TNPO1: variants seen among roughly 807,000 people sequenced by gnomAD.
TNPO1 encodes the protein transportin 1, also known as transportin-1.
A neutral mutation model predicts 119.5 loss-of-function variants in TNPO1; 8 were observed. That is an observed-to-expected ratio of 0.07 (90% CI 0.04 to 0.12). The LOEUF is 0.12. Among genes scored for constraint, TNPO1 ranks in the 10% least tolerant of loss-of-function variants. The pLI is 1.00. For missense variants in TNPO1, 576 were observed against 1,089.8 expected, an observed-to-expected ratio of 0.53 and a Z score of 6.64; for synonymous variants, 362 against 363.0, an observed-to-expected ratio of 1.00 and a Z score of 0.03.
intron 24 of TNPO1, among the ~76,000 whole-genome samples, chr5:72,907,077 T>C (rs1654994163): frequency 6.6e-6 from 1 of 152,138 alleles, no homozygotes; most frequent in Non-Finnish European, 1.5e-5. Context: ...TAGAAGGTAG[T>C]AGAAATGGAC....
At position 72,886,790 on chromosome 5, in the gene TNPO1, A is replaced by G. The variant is rs556923517; in HGVS notation, c.1151-280A>G. ...TGTAATCCCAGCTACTCAGGGGGCT[A>G]AAGCGGGAGAATCACTTGAACCTGG... On this transcript the variant is annotated intron_variant, in intron 11 of 24. Transcript: ENST00000337273. Among the ~76,000 whole-genome samples, 72 of 150,870 alleles carry G rather than the reference A, an allele frequency of 4.8e-4. 1 individual carries two copies. In the East Asian group the frequency reaches 8.9e-3, roughly 19 times the overall value.
chr5:72,884,903 TG>T (rs1257808368), intron 11 of TNPO1, among the ~76,000 whole-genome samples: 2 of 152,238 alleles, frequency 1.3e-5, no homozygotes, highest in African/African-American at 4.8e-5. Context: ...CGTTATCTCC[TG>T]GGGGAACAAA....
chr5:72,852,393 C>T (rs1043108540), intron 3 of TNPO1, among the ~76,000 whole-genome samples: 3 of 152,226 alleles, frequency 2.0e-5, no homozygotes, highest in Non-Finnish European at 4.4e-5. Flanking sequence ...ACAAAAATCA[C>T]TGCCCTCAAG....
chr5:72,879,458 C>T (rs1748064835), intron 9 of TNPO1, among the ~76,000 whole-genome samples: 1 of 152,204 alleles, frequency 6.6e-6, no homozygotes, highest in South Asian at 2.1e-4. Context: ...ATTAGCACCA[C>T]CCATTTTGCT....
intron 24 of TNPO1, among the ~76,000 whole-genome samples, chr5:72,907,251 T>G (rs1184185373): frequency 2.6e-5 from 4 of 152,176 alleles, no homozygotes; most frequent in African/African-American, 4.8e-5. Flanking sequence ...ACTTGTAGCT[T>G]CAAAGCTTCA....
intron 4 of TNPO1, among the ~76,000 whole-genome samples, chr5:72,857,729 C>T (rs1355945638): frequency 6.6e-6 from 1 of 152,192 alleles, no homozygotes; most frequent in African/African-American, 2.4e-5. Flanking sequence ...TCTTCCTAAA[C>T]TGTATTTCAT....
chr5:72,888,349 T>C, intron 13 of TNPO1, 46 bp downstream of exon 13: 1 of 1,534,310 alleles, frequency 6.5e-7, no homozygotes, highest in Non-Finnish European at 9.0e-7. Flanking sequence ...AGTGAAAAAC[T>C]TAATTTTCAA....
At chr5:72,851,406 A>G (rs1001229665) in intron 3 of TNPO1, 87 bp downstream of exon 3, 12 of 792,604 alleles carry the variant, frequency 1.5e-5, no homozygotes, top group African/African-American at 7.0e-5. Flanking sequence ...AAAGGATTTC[A>G]TTTTGTAGTA....
At chr5:72,832,056 A>G (rs1004518698) in intron 1 of TNPO1, among the ~76,000 whole-genome samples, 2 of 152,036 alleles carry the variant, frequency 1.3e-5, no homozygotes, top group African/African-American at 4.8e-5. Flanking sequence ...AAAATCTTTG[A>G]GTATAATACT....
chr5:72,855,441 C>A lies in TNPO1; in HGVS notation c.206-333C>A, dbSNP rs557661693. Among the ~76,000 whole-genome samples, 4 of 152,220 alleles carry A rather than the reference C, an allele frequency of 2.6e-5. No homozygotes were observed. In the East Asian group the frequency reaches 7.7e-4, roughly 29 times the overall value. ...GGTTCTCAACCACTGGCAATTTTAA[C>A]CCCCAGAAAACATTTGACATTATCT... On this transcript the variant is annotated intron_variant, in intron 3 of 24. Coordinates refer to ENST00000337273, the MANE Select transcript of TNPO1 (RefSeq NM_002270.4).
At chr5:72,879,674 A>T (rs929785689) in intron 9 of TNPO1, among the ~76,000 whole-genome samples, 1 of 152,234 alleles carries the variant, frequency 6.6e-6, no homozygotes, top group African/African-American at 2.4e-5. Flanking sequence ...CCACTTTTAT[A>T]TATAAAACGC....
intron 14 of TNPO1, among the ~76,000 whole-genome samples, chr5:72,890,594 T>C (rs1390918615): frequency 6.6e-6 from 1 of 152,222 alleles, no homozygotes; most frequent in African/African-American, 2.4e-5. Flanking sequence ...TAAGATTTGG[T>C]ACAGGGCAGT....
intron 4 of TNPO1, among the ~76,000 whole-genome samples, chr5:72,859,555 A>G (rs933745422): frequency 1.3e-5 from 2 of 152,216 alleles, no homozygotes; most frequent in African/African-American, 4.8e-5. Context: ...AACCTTAACA[A>G]TACATGTTGG....
intron 24 of TNPO1, among the ~76,000 whole-genome samples, chr5:72,907,861 T>C (rs1369731243): frequency 1.3e-5 from 2 of 151,840 alleles, no homozygotes; most frequent in East Asian, 3.9e-4. Flanking sequence ...CTGGGCAACA[T>C]GATGAGATCT....
intron 1 of TNPO1, among the ~76,000 whole-genome samples, chr5:72,817,386 CATGCGTACAAGCA>C (rs1743746544): frequency 6.6e-6 from 1 of 152,230 alleles, no homozygotes; most frequent in African/African-American, 2.4e-5. Context: ...CCTCCACTCC[CATGCGTACAAGCA>C]ACAGGGAACA....
intron 1 of TNPO1, among the ~76,000 whole-genome samples, chr5:72,830,379 G>A (rs751257452): frequency 3.7e-4 from 57 of 152,096 alleles, no homozygotes; most frequent in Non-Finnish European, 6.8e-4. Flanking sequence ...ACAAACTCCT[G>A]AACATCTCAA....
At chr5:72,874,872 G>A (rs1008386394) in intron 7 of TNPO1, among the ~76,000 whole-genome samples, 4 of 152,128 alleles carry the variant, frequency 2.6e-5, no homozygotes, top group African/African-American at 9.7e-5. Context: ...ACATGAGGAA[G>A]GCTTCATTGT....
At chr5:72,828,491 G>T (rs1744302562) in intron 1 of TNPO1, among the ~76,000 whole-genome samples, 1 of 152,102 alleles carries the variant, frequency 6.6e-6, no homozygotes, top group African/African-American at 2.4e-5. Context: ...TGCTACATTT[G>T]TTTGCTTCTC....
At chr5:72,854,923 T>TA (rs1469495137) in intron 3 of TNPO1, among the ~76,000 whole-genome samples, 4 of 152,192 alleles carry the variant, frequency 2.6e-5, no homozygotes, top group African/African-American at 9.7e-5. Context: ...ATGAAGGTCT[T>TA]ATATATTCTT....
Sources: allele counts gnomAD v4.1 joint callset (sites outside exome capture counted in the v4.1 genomes callset), GRCh38; gene constraint gnomAD v4.1.1; transcripts MANE v1.5; gene names NCBI Gene and HGNC (gene_info 2026-07-23, HGNC 2026-07-21).